HAPLN2: variants seen among roughly 807,000 people sequenced by gnomAD.
The protein encoded by HAPLN2 is brain link protein-1.
HAPLN2 carries 27 observed loss-of-function variants against 29.3 expected under a neutral mutation model. The ratio of observed to expected loss-of-function variants is 0.92; its 90% CI spans 0.68 to 1.27. The LOEUF (loss-of-function observed/expected upper bound fraction) is 1.27, where lower values mean the gene tolerates loss of function less well. HAPLN2 is among the 50% of genes most tolerant of loss of function. HAPLN2 has a pLI of 0.00. For synonymous variants in HAPLN2, 208 were observed against 211.7 expected (o/e 0.98, Z 0.15); for missense variants, 454 against 484.3 (o/e 0.94, Z 0.59).
the HAPLN2 span, among the ~76,000 whole-genome samples, chr1:156,608,336 T>C: frequency 6.6e-6 from 1 of 152,146 alleles, no homozygotes; most frequent in Non-Finnish European, 1.5e-5. Flanking sequence ...GTCATCATTC[T>C]CTCCGATCTG....
At chr1:156,614,029 T>C in the HAPLN2 span, among the ~76,000 whole-genome samples, 1 of 152,140 alleles carries the variant, frequency 6.6e-6, no homozygotes, top group Admixed American at 6.5e-5. Context: ...AAATTATTCT[T>C]TCACAGCAAA....
At chr1:156,605,472 C>T in the HAPLN2 span, among the ~76,000 whole-genome samples, 1 of 151,044 alleles carries the variant, frequency 6.6e-6, no homozygotes, top group Non-Finnish European at 1.5e-5. Flanking sequence ...CAGTGACGTG[C>T]ACCTGTAATC....
In HAPLN2 at chr1:156,623,810, C is replaced by A; in HGVS notation, c.89C>A (p.Ser30Tyr). 6.6e-7 allele frequency: 1 copy of A among 1,511,198 alleles called. No individual in the cohort carries two copies. Among genetic ancestry groups the A allele is most frequent in the Non-Finnish European group, 8.8e-7 (1 of 1,131,218 alleles). 93.6% of individuals were successfully genotyped at this position (1,511,198 alleles called of 1,614,324 possible). A position where few individuals can be genotyped will look rare whatever the true frequency, so the allele number is the denominator to read the frequency against. Reference sequence around the variant, plus strand: ...CACTGTGGCCCCCTCTGCCCAGCATCCCACCCGGGCCCCCACTACCTCCTG... The same window carrying A: ...CACTGTGGCCCCCTCTGCCCAGCATACCACCCGGGCCCCCACTACCTCCTG... ...IFHKAQGDPA[S>Y]HPGPHYLLPP... The change falls in exon 4 of 7, where the codon TCC becomes TAC. Residue 30 changes from serine (S) to tyrosine (Y), a missense_variant. Ser to Tyr is a moderately radical substitution (Grantham distance 144, BLOSUM62 -2). This residue lies in a region of HAPLN2 where 204 missense variants were observed against 209.2 expected (regional missense o/e 0.98). Coordinates refer to ENST00000255039, the MANE Select transcript of HAPLN2 (RefSeq NM_021817.3).
the HAPLN2 span, among the ~76,000 whole-genome samples, chr1:156,612,111 C>T: frequency 6.6e-6 from 1 of 152,182 alleles, no homozygotes; most frequent in South Asian, 2.1e-4. Context: ...TCAAGCTCCG[C>T]CTCCAGGGTT....
At chr1:156,609,611 G>A in the HAPLN2 span, among the ~76,000 whole-genome samples, 8 of 152,128 alleles carry the variant, frequency 5.3e-5, no homozygotes, top group Admixed American at 4.6e-4. Flanking sequence ...TTTAGTTTAA[G>A]GACAGTTATA....
the HAPLN2 span, chr1:156,601,541 G>T: frequency 7.2e-7 from 1 of 1,384,328 alleles, no homozygotes. Context: ...CAAAATCACG[G>T]TTTTTCCAGG....
At chr1:156,611,980 T>C in the HAPLN2 span, among the ~76,000 whole-genome samples, 1 of 152,170 alleles carries the variant, frequency 6.6e-6, no homozygotes, top group African/African-American at 2.4e-5. Context: ...AAAACTTCAA[T>C]TTTATTTATT....
intron 2 of HAPLN2, among the ~76,000 whole-genome samples, chr1:156,623,241 T>C (rs535898953): frequency 1.3e-5 from 2 of 152,006 alleles, no homozygotes; most frequent in African/African-American, 2.4e-5. Context: ...AATTAGTACC[T>C]GCAGGCTGAG....
chr1:156,602,549 CAAAAAAAAAAAA>C, the HAPLN2 span, among the ~76,000 whole-genome samples: 22 of 43,788 alleles, frequency 5.0e-4, no homozygotes, highest in African/African-American at 1.4e-3. Flanking sequence ...CTAAAAATAC[CAAAAAAAAAAAA>C]AAAAAAAAAA....
At chr1:156,614,855 G>T (rs1403650845), upstream of HAPLN2, 1 of 152,228 alleles carries the variant, frequency 6.6e-6, no homozygotes, top group Non-Finnish European at 1.5e-5. Flanking sequence ...AATGACAAGT[G>T]ACATGATTAT....
At chr1:156,623,402 C>T (rs1211961606) in intron 2 of HAPLN2, 65 bp from the exon 3 acceptor site, 25 of 1,384,708 alleles carry the variant, frequency 1.8e-5, no homozygotes, top group South Asian at 2.5e-5. Flanking sequence ...AGTTCACCCA[C>T]AACCCTGCTC....
At chr1:156,610,719 A>C in the HAPLN2 span, among the ~76,000 whole-genome samples, 2 of 152,136 alleles carry the variant, frequency 1.3e-5, no homozygotes, top group Non-Finnish European at 2.9e-5. Context: ...TATATGTATG[A>C]TGTATGTTTC....
chr1:156,605,598 C>CAAAA, the HAPLN2 span, among the ~76,000 whole-genome samples: 30 of 63,680 alleles, frequency 4.7e-4, no homozygotes, highest in African/African-American at 1.2e-3. Context: ...GACTTGGTCT[C>CAAAA]AAAAAAAAAA....
chr1:156,616,360 A>C (rs1307750986), upstream of HAPLN2, among the ~76,000 whole-genome samples: 2 of 152,172 alleles, frequency 1.3e-5, no homozygotes, highest in Admixed American at 6.5e-5. Flanking sequence ...CAGTTTGGCT[A>C]TTCATTATAT....
chr1:156,611,697 C>T, the HAPLN2 span, among the ~76,000 whole-genome samples: 51 of 152,286 alleles, frequency 3.3e-4, 1 homozygote, highest in East Asian at 9.3e-3. Flanking sequence ...GATTCTGTTC[C>T]CTTTGAAACT....
chr1:156,625,340 C>A lies in HAPLN2; in HGVS notation c.979C>A (p.Pro327Thr). ...PGVRSFGFPR[P>T]QQAAYGTYCY... Reference sequence around the variant, plus strand: ...AGTGCGCAGTTTCGGCTTCCCCAGGCCCCAACAGGCAGCCTATGGGACCTA... The same window carrying A: ...AGTGCGCAGTTTCGGCTTCCCCAGGACCCAACAGGCAGCCTATGGGACCTA... Residue 327 changes from proline to threonine, a missense_variant, in exon 7 of 7, where the codon CCC becomes ACC. Pro to Thr is a conservative substitution (Grantham distance 38). Around this residue, in one of 3 missense-constraint regions of HAPLN2, gnomAD observed 235 missense variants for 236.9 expected, o/e 0.99. Coordinates refer to ENST00000255039, the MANE Select transcript of HAPLN2 (RefSeq NM_021817.3). The surrounding 1 kb of genome is among the most constrained non-coding windows in gnomAD (Gnocchi z 5.7). 6.2e-7 allele frequency: 1 copy of A among 1,600,284 alleles called. No individual in the cohort carries two copies. Among genetic ancestry groups the A allele is most frequent in the Non-Finnish European group, 8.5e-7 (1 of 1,174,280 alleles).
chr1:156,623,415 C>A (rs534110586), intron 2 of HAPLN2, 52 bp from the exon 3 acceptor site: 8 of 1,489,242 alleles, frequency 5.4e-6, no homozygotes, highest in Non-Finnish European at 7.4e-6. Context: ...CCCTGCTCTT[C>A]CCCACCCTTT....
the HAPLN2 span, among the ~76,000 whole-genome samples, chr1:156,605,092 C>A: frequency 4.0e-5 from 6 of 151,586 alleles, no homozygotes; most frequent in Non-Finnish European, 7.4e-5. Context: ...ATGGTGAAAC[C>A]CCGTCTCTAC....
At chr1:156,617,034 G>GCGCCATGATCGTATCACTGCACTC (rs1421296923), upstream of HAPLN2, among the ~76,000 whole-genome samples, 3 of 151,942 alleles carry the variant, frequency 2.0e-5, no homozygotes, top group Non-Finnish European at 1.5e-5. Flanking sequence ...AGGCTGCAGT[G>GCGCCATGATCGTATCACTGCACTC]CGCCATGATC....
Sources: gnomAD v4.1 joint callset for allele counts (sites outside exome capture counted in the v4.1 genomes callset) on GRCh38, gnomAD v4.1.1 for gene constraint, gnomAD v4.1.1 regional missense constraint, Gnocchi (gnomAD v3.1) non-coding constraint, MANE v1.5 for transcripts, NCBI Gene and HGNC (gene_info 2026-07-23, HGNC 2026-07-21) for gene names.